Variants in SPATA31C2 observed in about 807,000 individuals in gnomAD.
SPATA31C2 encodes the protein spermatogenesis-associated protein 31C2.
A neutral mutation model predicts 11.4 loss-of-function variants in SPATA31C2; 5 were observed. The ratio of observed to expected loss-of-function variants is 0.44; its 90% CI spans 0.23 to 0.92. SPATA31C2 has a LOEUF of 0.92. SPATA31C2 is among the 40% of genes least tolerant of loss of function. The pLI, the probability that SPATA31C2 is intolerant of heterozygous loss-of-function variation, is 0.24. For synonymous variants in SPATA31C2, 515 were observed against 538.7 expected (o/e 0.96, Z 0.61); for missense variants, 1,353 against 1,368.6 (o/e 0.99, Z 0.18).
chr9:88,130,079 T>C lies in SPATA31C2; in HGVS notation c.2958A>G (p.Glu986=). 6.2e-7 allele frequency: 1 copy of C among 1,607,012 alleles called. No homozygotes were observed. Among genetic ancestry groups the C allele is most frequent in the African/African-American group, 1.3e-5 (1 of 74,904 alleles). The change falls in exon 4 of 4, where the codon GAA becomes GAG. Residue 986 remains glutamate (E), a synonymous_variant. Coordinates refer to ENST00000324915, the MANE Select transcript of SPATA31C2 (RefSeq NM_001350978.3). ...GGACGCCTTCATTCTGACGGGTGTC[T>C]TCTGTTTTCCTGCCTGGGGTAAGTT... ...TPQLTPGRKT[E]DTRQNEGVQL...
rs897553501 is a variant in SPATA31C2, at chr9:88,137,295, CAAT to C, written c.189+960_189+962del. ...GAGCAGTTAGATACCATAGACAAAA[CAAT>C]AACCTCAATCTAACCTCATGTCTTT... is the stretch of plus-strand genomic sequence containing the variant. On this transcript the variant is annotated intron_variant, in intron 1 of 3. Coordinates refer to ENST00000324915, the MANE Select transcript of SPATA31C2 (RefSeq NM_001350978.3). Among the ~76,000 whole-genome samples the C allele has an allele frequency of 4.4e-4, 65 of 147,342 alleles. 4 individuals carry two copies. Among genetic ancestry groups the C allele is most frequent in the African/African-American group, 1.6e-3 (63 of 39,950 alleles).
rs373999004 is a variant in SPATA31C2, at chr9:88,129,601, G to C, written c.*31C>G. 211 of 1,602,488 alleles carry C rather than the reference G, an allele frequency of 1.3e-4. 2 individuals carry two copies. The African/African-American group carries it at 2.3e-3, about 17-fold the overall frequency. Reference sequence around the variant, plus strand: ...AGTTGGGGATGTCGCAGGCCCCATTGCTCATTGTTGCACCGGACACTTTTC... The same window carrying C: ...AGTTGGGGATGTCGCAGGCCCCATTCCTCATTGTTGCACCGGACACTTTTC... On this transcript the variant is annotated 3_prime_UTR_variant, in exon 4 of 4. Transcript: ENST00000324915.
rs866404498 is a variant in SPATA31C2 at position 88,137,787 on chromosome 9, C to G, written c.189+471G>C. On this transcript the variant is annotated intron_variant, in intron 1 of 3. Coordinates refer to ENST00000324915, the MANE Select transcript of SPATA31C2 (RefSeq NM_001350978.3). ...GCTTGCCAGGAGACCAGAGGAGATG[C>G]CAGGCCCCGGTGGGAGGCCCTCGGG... 3.9e-4 allele frequency among the ~76,000 whole-genome samples: 29 copies of G among 74,200 alleles called. No individual in the cohort carries two copies. In the Middle Eastern group the frequency reaches 0.019, roughly 48 times the overall value. The allele number at this position is 74,200 out of a possible 152,430, so 48.7% of individuals were successfully genotyped here. A position where few individuals can be genotyped will look rare whatever the true frequency, so the allele number is the denominator to read the frequency against.
chr9:88,132,816 C>T lies in SPATA31C2; in HGVS notation c.327-106G>A, dbSNP rs572649549. On this transcript the variant is annotated intron_variant, in intron 3 of 3. Coordinates refer to ENST00000324915, the MANE Select transcript of SPATA31C2 (RefSeq NM_001350978.3). ...TCCACCACGCCACACCCTGACCACCCAATTCTCCTGCTACCCCTCGCCCCA... is the reference window on the plus strand; with the variant it reads ...TCCACCACGCCACACCCTGACCACCTAATTCTCCTGCTACCCCTCGCCCCA... 19 of 1,184,300 alleles carry T rather than the reference C, an allele frequency of 1.6e-5. 3 individuals are homozygous for T. The highest frequency in any genetic ancestry group is 2.1e-5 in the Non-Finnish European group (19 of 912,182). 73.4% of individuals were successfully genotyped at this position (1,184,300 alleles called of 1,614,324 possible).
Position 88,132,585 on chromosome 9 carries a change from G to C in SPATA31C2, c.452C>G (p.Ala151Gly). 1.2e-6 allele frequency: 2 copies of C among 1,610,428 alleles called. No individual in the cohort carries two copies. Among genetic ancestry groups the C allele is most frequent in the Non-Finnish European group, 1.7e-6 (2 of 1,177,716 alleles). ...SRSSHEPTEDAAPIVSPLASP... is the reference protein window; with the variant it reads ...SRSSHEPTEDGAPIVSPLASP... ...AGCTAACGGGGAGACAATGGGAGCAGCGTCTTCCGTAGGCTCATGAGAGGA... is the reference window on the plus strand; with the variant it reads ...AGCTAACGGGGAGACAATGGGAGCACCGTCTTCCGTAGGCTCATGAGAGGA... The change falls in exon 4 of 4, where the codon GCT becomes GGT. Residue 151 changes from alanine to glycine, a missense_variant. Ala to Gly is a moderately conservative substitution (Grantham distance 60). Around this residue, in one of 6 missense-constraint regions of SPATA31C2, gnomAD observed 1,075 missense variants for 992.8 expected, o/e 1.08. Coordinates refer to ENST00000324915, the MANE Select transcript of SPATA31C2 (RefSeq NM_001350978.3).
chr9:88,132,619 C>G lies in SPATA31C2; in HGVS notation c.418G>C (p.Ala140Pro). 6.2e-7 allele frequency: 1 copy of G among 1,609,678 alleles called. No homozygotes were observed. Among genetic ancestry groups the G allele is most frequent in the Non-Finnish European group, 8.5e-7 (1 of 1,177,512 alleles). ...GTAGGCTCATGAGAGGACCGGGAGG[C>G]TCCATCAGGTGTTCTTTTGCCCACC... ...GEVGKRTPDG[A>P]SRSSHEPTED... The change falls in exon 4 of 4, where the codon GCC becomes CCC. Residue 140 changes from alanine (A) to proline (P), a missense_variant. Around this residue, in one of 6 missense-constraint regions of SPATA31C2, gnomAD observed 1,075 missense variants for 992.8 expected, o/e 1.08. Coordinates refer to ENST00000324915, the MANE Select transcript of SPATA31C2 (RefSeq NM_001350978.3).
At chr9:88,137,254 TAGTAC>T (rs1169320044) in intron 1 of SPATA31C2, among the ~76,000 whole-genome samples, 12 of 149,142 alleles carry the variant, frequency 8.0e-5, no homozygotes, top group African/African-American at 3.0e-4. Context: ...ATCGGTTCAA[TAGTAC>T]AGTGGTTCTG....
At position 88,132,912 on chromosome 9, in the gene SPATA31C2, G is replaced by A. The variant is rs1259790186; in HGVS notation, c.326+54C>T. The A allele has an allele frequency of 7.6e-5, 102 of 1,343,018 alleles. 27 individuals are homozygous for A. The highest frequency in any genetic ancestry group is 1.0e-4 in the Non-Finnish European group (101 of 1,011,360). The allele number at this position is 1,343,018 out of a possible 1,614,324, so 83.2% of individuals were successfully genotyped here. ...TCAGCTCCAGGCTGCCTGTGGCCCT[G>A]GGGTCACGTCCCAGCCCTGGTAGGA... On this transcript the variant is annotated intron_variant, in intron 3 of 3. Coordinates refer to ENST00000324915, the MANE Select transcript of SPATA31C2 (RefSeq NM_001350978.3).
In SPATA31C2 at chr9:88,132,518, G is replaced by A. The variant is rs745440584; in HGVS notation, c.519C>T (p.Ser173=). ...TGGTCATTGGGCCTGGTGGTGGGGTGGAGGCCAGATCCTGAGGATGCTTGG... is the reference window on the plus strand; with the variant it reads ...TGGTCATTGGGCCTGGTGGTGGGGTAGAGGCCAGATCCTGAGGATGCTTGG... ...PRTKHPQDLA[S]TPPPGPMTTS... is the part of the protein sequence containing the mutation. The change falls in exon 4 of 4, where the codon TCC becomes TCT. Residue 173 remains serine, a synonymous_variant. Transcript: ENST00000324915. The A allele has an allele frequency of 5.0e-6, 8 of 1,610,756 alleles. No individual in the cohort carries two copies. In the African/African-American group the frequency reaches 9.4e-5, roughly 19 times the overall value.
intron 1 of SPATA31C2, among the ~76,000 whole-genome samples, chr9:88,138,038 G>A (rs1286683981): frequency 2.2e-5 from 2 of 92,954 alleles, no homozygotes; most frequent in African/African-American, 6.7e-5. Flanking sequence ...TGCCTCCTGC[G>A]CTCCCCCACA....
intron 1 of SPATA31C2, among the ~76,000 whole-genome samples, chr9:88,136,439 T>C (rs1825683066): frequency 6.9e-6 from 1 of 144,282 alleles, no homozygotes; most frequent in South Asian, 2.3e-4. Context: ...ATTCTAGATA[T>C]GAGCTCCTTG....
At position 88,131,130 on chromosome 9, in the gene SPATA31C2, G is replaced by T; in HGVS notation, c.1907C>A (p.Ser636Tyr). ...KACVNTAQVL[S>Y]FLEPCTQQVL... The stretch of plus-strand genomic sequence containing the variant: ...CTGCTGAGTACACGGCTCAAGGAAG[G>T]AAAGCACCTGGGCTGTGTTCACACA... Residue 636 changes from serine (S) to tyrosine (Y), a missense_variant, in exon 4 of 4, where the codon TCC becomes TAC. By Grantham distance (144) the Ser-to-Tyr change is moderately radical. Coordinates refer to ENST00000324915, the MANE Select transcript of SPATA31C2 (RefSeq NM_001350978.3). 1.2e-6 allele frequency: 2 copies of T among 1,612,060 alleles called. No homozygotes were observed. The highest frequency in any genetic ancestry group is 2.7e-5 in the African/African-American group (2 of 74,988).
At position 88,130,089 on chromosome 9, in the gene SPATA31C2, C is replaced by T; in HGVS notation, c.2948G>A (p.Arg983Lys). ...ATTCTGACGGGTGTCTTCTGTTTTC[C>T]TGCCTGGGGTAAGTTGAGGAGTCCT... The part of the protein sequence containing the change: ...GLRTPQLTPG[R>K]KTEDTRQNEG... Residue 983 changes from arginine (R) to lysine (K), a missense_variant, in exon 4 of 4, where the codon AGG becomes AAG. Arg to Lys is a conservative substitution (Grantham distance 26, BLOSUM62 2). Transcript: ENST00000324915. The T allele has an allele frequency of 1.9e-6, 3 of 1,606,778 alleles. No individual in the cohort carries two copies. In the South Asian group the frequency reaches 3.3e-5, roughly 18 times the overall value.
Position 88,131,313 on chromosome 9 carries a change from A to G in SPATA31C2, c.1724T>C (p.Ile575Thr). 1.2e-6 allele frequency: 2 copies of G among 1,611,816 alleles called. No individual in the cohort carries two copies. Among genetic ancestry groups the G allele is most frequent in the Non-Finnish European group, 1.7e-6 (2 of 1,179,856 alleles). Residue 575 changes from isoleucine to threonine, a missense_variant, in exon 4 of 4, where the codon ATC (isoleucine) becomes ACC (threonine). By Grantham distance (89) the Ile-to-Thr change is moderately conservative. Coordinates refer to ENST00000324915, the MANE Select transcript of SPATA31C2 (RefSeq NM_001350978.3). Reference sequence around the variant, plus strand: ...CTTTCTGCTCATGTGGGCTTTCAGGATGTTTTCTATATGATTCCTCTCTGT... The same window carrying G: ...CTTTCTGCTCATGTGGGCTTTCAGGGTGTTTTCTATATGATTCCTCTCTGT... ...RRTERNHIEN[I>T]LKAHMSRKLG...
chr9:88,137,868 C>G (rs1433864979), intron 1 of SPATA31C2, among the ~76,000 whole-genome samples: 1 of 99,130 alleles, frequency 1.0e-5, no homozygotes, highest in Non-Finnish European at 1.7e-5. Flanking sequence ...CCCGAGCCAC[C>G]TGCCCCAGGA....
chr9:88,133,703 G>C (rs770447299), intron 1 of SPATA31C2, 34 bp from the exon 2 acceptor site: 57 of 1,540,080 alleles, frequency 3.7e-5, no homozygotes, highest in Middle Eastern at 3.5e-4. Context: ...AGCTAGGACC[G>C]GCTCTCCCTC....
chr9:88,130,817 C>T lies in SPATA31C2; in HGVS notation c.2220G>A (p.Gln740=), dbSNP rs749951842. ...GGATCCCTCGCGGGGCCCTCTGGAACTGCTTACATGCAGGTGAGGAGGCCT... is the reference window on the plus strand; with the variant it reads ...GGATCCCTCGCGGGGCCCTCTGGAATTGCTTACATGCAGGTGAGGAGGCCT... ...RLQASSPACK[Q]FQRAPRGIPS... is the part of the protein sequence containing the mutation. Residue 740 remains glutamine, a synonymous_variant, in exon 4 of 4, where the codon CAG becomes CAA. Coordinates refer to ENST00000324915, the MANE Select transcript of SPATA31C2 (RefSeq NM_001350978.3). 1.5e-5 allele frequency: 24 copies of T among 1,613,002 alleles called. No homozygotes were observed. The African/African-American group carries it at 2.8e-4, about 19-fold the overall frequency.
chr9:88,133,861 G>T (rs1004942179), intron 1 of SPATA31C2, among the ~76,000 whole-genome samples, 192 bp from the exon 2 acceptor site: 19 of 152,160 alleles, frequency 1.2e-4, no homozygotes, highest in African/African-American at 4.6e-4. Flanking sequence ...GGAAGAGGGG[G>T]TCGGGTGCAG....
chr9:88,132,532 G>C lies in SPATA31C2; in HGVS notation c.505C>G (p.Gln169Glu). 1.2e-6 allele frequency: 2 copies of C among 1,610,840 alleles called. No homozygotes were observed. Among genetic ancestry groups the C allele is most frequent in the Non-Finnish European group, 1.7e-6 (2 of 1,177,890 alleles). Residue 169 changes from glutamine (Q) to glutamate (E), a missense_variant, in exon 4 of 4, where the codon CAG becomes GAG. Coordinates refer to ENST00000324915, the MANE Select transcript of SPATA31C2 (RefSeq NM_001350978.3). The stretch of plus-strand genomic sequence containing the variant: ...GGTGGTGGGGTGGAGGCCAGATCCT[G>C]AGGATGCTTGGTTCGAGGATCCGGG... ...ASPDPRTKHP[Q>E]DLASTPPPGP...
Sources: gnomAD v4.1 joint callset for allele counts (sites outside exome capture counted in the v4.1 genomes callset) on GRCh38, gnomAD v4.1.1 for gene constraint, gnomAD v4.1.1 regional missense constraint, MANE v1.5 for transcripts, NCBI Gene and HGNC (gene_info 2026-07-23, HGNC 2026-07-21) for gene names.